The following GDPD1 variants were observed in gnomAD, a reference collection of about 807,000 sequenced individuals.
GDPD1 encodes the protein lysophospholipase D GDPD1.
A neutral mutation model predicts 45.1 loss-of-function variants in GDPD1; 28 were observed. That is an observed-to-expected ratio of 0.62 (90% CI 0.46 to 0.85). GDPD1 has a LOEUF of 0.85. GDPD1 is among the 40% of genes least tolerant of loss of function. The pLI is 0.00. For synonymous variants in GDPD1, 139 were observed against 131.4 expected (o/e 1.06, Z -0.40); for missense variants, 256 against 364.8 (o/e 0.70, Z 2.43).
chr17:59,224,683 G>A (rs919055556), intron 1 of GDPD1, among the ~76,000 whole-genome samples: 8 of 151,838 alleles, frequency 5.3e-5, no homozygotes, highest in African/African-American at 1.7e-4. Context: ...TGAGCCGGGT[G>A]TGATGGTGCC....
chr17:59,231,501 T>C (rs1406740570), intron 1 of GDPD1, among the ~76,000 whole-genome samples: 1 of 151,710 alleles, frequency 6.6e-6, no homozygotes, highest in Non-Finnish European at 1.5e-5. Context: ...TAATTTTTTG[T>C]ATTTTTAGTA....
intron 1 of GDPD1, among the ~76,000 whole-genome samples, chr17:59,227,657 A>G (rs946469044): frequency 2.2e-4 from 33 of 152,238 alleles, no homozygotes; most frequent in African/African-American, 7.5e-4. Flanking sequence ...TAATAGCAAT[A>G]ATCCTTTACT....
chr17:59,248,675 G>A (rs893884919), intron 3 of GDPD1, 65 bp from the exon 4 acceptor site: 1 of 1,139,436 alleles, frequency 8.8e-7, no homozygotes, highest in Non-Finnish European at 1.3e-6. Context: ...GTGTCTTAAT[G>A]TAACACATAA....
chr17:59,274,457 G>T lies in GDPD1; in HGVS notation c.*684G>T, dbSNP rs11653857. On this transcript the variant is annotated 3_prime_UTR_variant, in exon 10 of 10. Transcript: ENST00000284116. ...GAACCCGGGAGGCAGAGGCTGTAGTGAGCCAAGATAGCACCACTGCACTCC... is the reference window on the plus strand; with the variant it reads ...GAACCCGGGAGGCAGAGGCTGTAGTTAGCCAAGATAGCACCACTGCACTCC... 13,102 of 146,038 alleles carry T rather than the reference G, an allele frequency of 0.09. 769 individuals carry two copies. Among genetic ancestry groups the T allele is most frequent in the South Asian group, 0.22 (1,013 of 4,510 alleles). 9.0% of individuals were successfully genotyped at this position (146,038 alleles called of 1,614,324 possible).
chr17:59,234,242 T>A (rs113578579), intron 1 of GDPD1, among the ~76,000 whole-genome samples: 40 of 151,898 alleles, frequency 2.6e-4, no homozygotes, highest in African/African-American at 8.7e-4. Flanking sequence ...TCCCAGCTGC[T>A]CAGGAGGCTG....
At chr17:59,220,884 TC>T (rs1304678098) in intron 1 of GDPD1, 133 bp downstream of exon 1, 2 of 1,014,290 alleles carry the variant, frequency 2.0e-6, no homozygotes, top group African/African-American at 3.2e-5. Context: ...TGAGGGCTCT[TC>T]CGGAGGTGAA....
At chr17:59,236,005 C>G (rs1387793368) in intron 2 of GDPD1, among the ~76,000 whole-genome samples, 1 of 152,136 alleles carries the variant, frequency 6.6e-6, no homozygotes, top group Non-Finnish European at 1.5e-5. Flanking sequence ...CATATATCAT[C>G]TGTTGCCCCT....
intron 1 of GDPD1, among the ~76,000 whole-genome samples, chr17:59,233,438 G>A (rs1354805183): frequency 2.0e-5 from 3 of 149,152 alleles, no homozygotes; most frequent in Non-Finnish European, 4.4e-5. Context: ...CGTAAGCCCG[G>A]GAGGCGGAGC....
chr17:59,230,231 CAGA>C (rs1404889595), intron 1 of GDPD1, among the ~76,000 whole-genome samples: 1 of 151,656 alleles, frequency 6.6e-6, no homozygotes, highest in Admixed American at 6.6e-5. Flanking sequence ...TTATATATAT[CAGA>C]AGTAGTATAT....
At chr17:59,258,479 G>A (rs2047326783) in intron 6 of GDPD1, among the ~76,000 whole-genome samples, 2 of 152,018 alleles carry the variant, frequency 1.3e-5, no homozygotes, top group African/African-American at 2.4e-5. Context: ...GGAAGCAGAG[G>A]TTGCAGTGAG....
rs1043613865 is a variant in GDPD1 at position 59,228,931 on chromosome 17, T to C, written c.143-5561T>C. ...TTCTGTTTTAACCCTCCTGTGTTAC[T>C]GTGGCTGTGTTTTGATTTTTGATTT... On this transcript the variant is annotated intron_variant, in intron 1 of 9. Coordinates refer to ENST00000284116, the MANE Select transcript of GDPD1 (RefSeq NM_182569.4). Among the ~76,000 whole-genome samples the C allele has an allele frequency of 2.0e-5, 3 of 151,606 alleles. No homozygotes were observed. In the East Asian group the frequency reaches 5.8e-4, roughly 29 times the overall value.
In GDPD1 at chr17:59,260,060, C is replaced by CAAAAA. The variant is rs56936442; in HGVS notation, c.576+2256_576+2260dup. Among the ~76,000 whole-genome samples the CAAAAA allele has an allele frequency of 4.6e-3, 120 of 25,852 alleles. 34 individuals are homozygous for CAAAAA. The highest frequency in any genetic ancestry group is 0.077 in the Middle Eastern group (2 of 26). The allele number at this position is 25,852 out of a possible 152,430, so 17.0% of individuals were successfully genotyped here. On this transcript the variant is annotated intron_variant, in intron 6 of 9. Coordinates refer to ENST00000284116, the MANE Select transcript of GDPD1 (RefSeq NM_182569.4). ...TGGGTGACGGAGCCAGACCCTGTCT[C>CAAAAA]AAAAAAAAAAAAAAAAAAAAAAAAA... is the stretch of plus-strand genomic sequence containing the variant.
intron 4 of GDPD1, among the ~76,000 whole-genome samples, chr17:59,251,991 CAAAAAA>C (rs34224346): frequency 1.6e-5 from 1 of 60,922 alleles, no homozygotes; most frequent in African/African-American, 6.1e-5. Flanking sequence ...GACTCAGTCT[CAAAAAA>C]AAAAAAAAAA....
At chr17:59,227,188 G>A (rs2047053691) in intron 1 of GDPD1, among the ~76,000 whole-genome samples, 1 of 151,878 alleles carries the variant, frequency 6.6e-6, no homozygotes, top group Admixed American at 6.6e-5. Flanking sequence ...CACTTTGGGA[G>A]GCCGAGGATC....
intron 2 of GDPD1, 119 bp from the exon 3 acceptor site, chr17:59,245,295 T>C (rs994514358): frequency 1.5e-6 from 1 of 682,144 alleles, no homozygotes; most frequent in Non-Finnish European, 2.5e-6. Context: ...GTGATGGTAT[T>C]AAGGAGATAT....
intron 6 of GDPD1, among the ~76,000 whole-genome samples, chr17:59,262,465 T>C (rs1184417205): frequency 6.6e-6 from 1 of 152,010 alleles, no homozygotes; most frequent in Non-Finnish European, 1.5e-5. Flanking sequence ...CTCAAAGACA[T>C]TATGCTTAGT....
intron 5 of GDPD1, 38 bp downstream of exon 5, chr17:59,257,278 C>T: frequency 9.7e-7 from 1 of 1,029,412 alleles, no homozygotes; most frequent in South Asian, 1.4e-5. Context: ...GTGTTGCATC[C>T]TATTTCACAA....
At chr17:59,233,009 A>G (rs2047103088) in intron 1 of GDPD1, among the ~76,000 whole-genome samples, 1 of 152,106 alleles carries the variant, frequency 6.6e-6, no homozygotes, top group South Asian at 2.1e-4. Flanking sequence ...TGAGGCCAGG[A>G]GTTCAAGACC....
intron 4 of GDPD1, among the ~76,000 whole-genome samples, chr17:59,255,537 T>C (rs2047289648): frequency 6.8e-6 from 1 of 146,986 alleles, no homozygotes; most frequent in Non-Finnish European, 1.5e-5. Flanking sequence ...ACGCCAGGAG[T>C]TTGAGACCAT....
Sources: allele counts gnomAD v4.1 joint callset (sites outside exome capture counted in the v4.1 genomes callset), GRCh38; gene constraint gnomAD v4.1.1; transcripts MANE v1.5; gene names NCBI Gene and HGNC (gene_info 2026-07-23, HGNC 2026-07-21).